Variants in OSBPL10 observed in about 807,000 individuals in gnomAD.
OSBPL10 encodes the protein oxysterol-binding protein-related protein 10.
OSBPL10 carries 49 observed loss-of-function variants against 81.7 expected under a neutral mutation model. The observed-to-expected ratio is 0.60, with a 90% CI of 0.48 to 0.76. The LOEUF is 0.76. Ranked by LOEUF, OSBPL10 falls within the 30% of genes least tolerant of loss-of-function variation. OSBPL10 has a pLI of 0.00. For missense variants in OSBPL10, 923 were observed against 987.8 expected, an observed-to-expected ratio of 0.93 and a Z score of 0.88; for synonymous variants, 419 against 383.6, an observed-to-expected ratio of 1.09 and a Z score of -1.08.
At chr3:32,024,774 G>A (rs774371977) in intron 2 of OSBPL10, among the ~76,000 whole-genome samples, 7 of 151,946 alleles carry the variant, frequency 4.6e-5, no homozygotes, top group East Asian at 3.8e-4. Context: ...GTGCCCGGCC[G>A]GAATTATTTT....
At chr3:31,873,909 T>A (rs1284407252) in intron 3 of OSBPL10, among the ~76,000 whole-genome samples, 5 of 152,208 alleles carry the variant, frequency 3.3e-5, no homozygotes, top group Non-Finnish European at 5.9e-5. Context: ...AAATTATTAT[T>A]CCCTAGTTGA....
chr3:31,951,496 T>G (rs1697868484), intron 1 of OSBPL10, among the ~76,000 whole-genome samples: 1 of 152,024 alleles, frequency 6.6e-6, no homozygotes, highest in Non-Finnish European at 1.5e-5. Flanking sequence ...GAAGAATACT[T>G]GGGCAGATGA....
chr3:31,795,381 G>C (rs894826156), intron 4 of OSBPL10: 3 of 155,512 alleles, frequency 1.9e-5, no homozygotes, highest in African/African-American at 7.2e-5. Flanking sequence ...CTGACCTCAG[G>C]TGATCCGCCC....
At chr3:31,962,027 T>A (rs1285849523) in intron 1 of OSBPL10, among the ~76,000 whole-genome samples, 1 of 152,000 alleles carries the variant, frequency 6.6e-6, no homozygotes, top group Non-Finnish European at 1.5e-5. Flanking sequence ...TGATCTCAGC[T>A]CACTGCAACC....
chr3:31,674,571 C>G (rs890118180), intron 8 of OSBPL10, among the ~76,000 whole-genome samples: 8 of 147,176 alleles, frequency 5.4e-5, no homozygotes, highest in African/African-American at 2.0e-4. Context: ...AATAGATAGA[C>G]AGATAGATAG....
At chr3:31,973,471 C>T (rs1698616657) in intron 1 of OSBPL10, among the ~76,000 whole-genome samples, 1 of 152,182 alleles carries the variant, frequency 6.6e-6, no homozygotes, top group Admixed American at 6.5e-5. Context: ...GGACTGGTGC[C>T]TGTGGTGGCC....
chr3:31,886,360 C>A (rs1395291362), intron 1 of OSBPL10, among the ~76,000 whole-genome samples: 2 of 152,068 alleles, frequency 1.3e-5, no homozygotes, highest in Non-Finnish European at 2.9e-5. Context: ...AGGATCAGTC[C>A]CTCACTGCCA....
intron 3 of OSBPL10, among the ~76,000 whole-genome samples, chr3:31,851,254 C>T (rs918417097): frequency 6.6e-6 from 1 of 152,216 alleles, no homozygotes; most frequent in Non-Finnish European, 1.5e-5. Flanking sequence ...CAGAAATCCC[C>T]GATGCCCTGG....
intron 1 of OSBPL10, among the ~76,000 whole-genome samples, chr3:32,047,951 C>T (rs985577988): frequency 6.6e-6 from 1 of 152,170 alleles, no homozygotes; most frequent in Non-Finnish European, 1.5e-5. Flanking sequence ...AGGCATAAGC[C>T]ACCACGCCCG....
At position 32,076,925 on chromosome 3, in the gene OSBPL10, C is replaced by A. The variant is rs561497554; in HGVS notation, n.185+471G>T. Among the ~76,000 whole-genome samples the A allele has an allele frequency of 1.4e-3, 220 of 151,968 alleles. 1 individual carries two copies. The highest frequency in any genetic ancestry group is 2.6e-3 in the Non-Finnish European group (175 of 67,992). On this transcript the variant is annotated intron_variant and non_coding_transcript_variant, in intron 1 of 3. Transcript: ENST00000479173. ...ATCAAGTGCAGGGTCTGCAAAATAT[C>A]CACTGATATTTTGCAAAATAAAGCA...
At chr3:31,899,841 G>T (rs542074697) in intron 1 of OSBPL10, among the ~76,000 whole-genome samples, 6 of 151,994 alleles carry the variant, frequency 3.9e-5, no homozygotes, top group Non-Finnish European at 7.4e-5. Flanking sequence ...TTAATTAGCT[G>T]AGTATGATGG....
intron 1 of OSBPL10, among the ~76,000 whole-genome samples, chr3:31,976,864 C>T (rs1341330444): frequency 6.6e-6 from 1 of 152,198 alleles, no homozygotes; most frequent in African/African-American, 2.4e-5. Flanking sequence ...TCCACGTTCG[C>T]AGTGTCTTCT....
At chr3:31,688,321 A>ACT (rs1358783292) in intron 7 of OSBPL10, among the ~76,000 whole-genome samples, 1 of 145,568 alleles carries the variant, frequency 6.9e-6, no homozygotes, top group South Asian at 2.2e-4. Context: ...ACACACACAC[A>ACT]CTCCCTTTTT....
chr3:31,803,553 G>A (rs1474525907), intron 4 of OSBPL10, among the ~76,000 whole-genome samples: 1 of 152,130 alleles, frequency 6.6e-6, no homozygotes, highest in Non-Finnish European at 1.5e-5. Context: ...TATACCCTTT[G>A]CGCAACTTCC....
At chr3:31,867,733 CAAG>C (rs1424127247) in intron 3 of OSBPL10, among the ~76,000 whole-genome samples, 1 of 109,488 alleles carries the variant, frequency 9.1e-6, no homozygotes, top group Non-Finnish European at 1.7e-5. Context: ...CAGAGTAAGA[CAAG>C]AAGAAAGAGA....
intron 4 of OSBPL10, among the ~76,000 whole-genome samples, chr3:31,753,853 C>T (rs1224378943): frequency 6.6e-6 from 1 of 152,140 alleles, no homozygotes; most frequent in Non-Finnish European, 1.5e-5. Context: ...TTGCCTTCCC[C>T]GCTTGGAGAC....
chr3:31,700,344 G>A lies in OSBPL10; in HGVS notation c.1245+2015C>T, dbSNP rs192292539. 2.1e-3 allele frequency: 327 copies of A among 152,214 alleles called. 1 individual carries two copies. Among genetic ancestry groups the A allele is most frequent in the African/African-American group, 7.3e-3 (303 of 41,534 alleles). 9.4% of individuals were successfully genotyped at this position (152,214 alleles called of 1,614,324 possible). ...TATTTTAGAGCAAGACAGGAATAAC[G>A]TGAAGTCGCTCAGACACTCAGCTTG... is the stretch of plus-strand genomic sequence containing the variant. On this transcript the variant is annotated intron_variant, in intron 7 of 11. Coordinates refer to ENST00000396556, the MANE Select transcript of OSBPL10 (RefSeq NM_017784.5).
At chr3:31,771,601 T>G (rs1288847230) in intron 4 of OSBPL10, among the ~76,000 whole-genome samples, 1 of 152,134 alleles carries the variant, frequency 6.6e-6, no homozygotes, top group Non-Finnish European at 1.5e-5. Context: ...ACCTCCATGA[T>G]TTAGCAGGAG....
At chr3:31,736,766 T>C (rs1482987350) in intron 5 of OSBPL10, among the ~76,000 whole-genome samples, 1 of 152,186 alleles carries the variant, frequency 6.6e-6, no homozygotes, top group Non-Finnish European at 1.5e-5. Context: ...CAGGCACTGT[T>C]GTACACGCCT....
Sources: allele counts gnomAD v4.1 joint callset (sites outside exome capture counted in the v4.1 genomes callset), GRCh38; gene constraint gnomAD v4.1.1; transcripts MANE v1.5; gene names NCBI Gene and HGNC (gene_info 2026-07-23, HGNC 2026-07-21).